The following GLCCI1 variants were observed in gnomAD, a reference collection of about 807,000 sequenced individuals.
GLCCI1 encodes the protein glucocorticoid induced 1.
GLCCI1 carries 24 observed loss-of-function variants against 52.2 expected under a neutral mutation model. The observed-to-expected ratio is 0.46, with a 90% CI of 0.33 to 0.65. The LOEUF (loss-of-function observed/expected upper bound fraction) is 0.65, where lower values mean the gene tolerates loss of function less well. Among genes scored for constraint, GLCCI1 ranks in the 30% least tolerant of loss-of-function variants. The pLI is 0.02. For missense variants in GLCCI1, 704 were observed against 701.5 expected, an observed-to-expected ratio of 1.00 and a Z score of -0.04; for synonymous variants, 310 against 276.5, an observed-to-expected ratio of 1.12 and a Z score of -1.20.
At chr7:7,972,619 T>C (rs990928050) in intron 1 of GLCCI1, among the ~76,000 whole-genome samples, 1 of 152,208 alleles carries the variant, frequency 6.6e-6, no homozygotes, top group South Asian at 2.1e-4. Context: ...AAATAAATTA[T>C]ATCATTATCT....
intron 4 of GLCCI1, among the ~76,000 whole-genome samples, chr7:8,056,095 C>T (rs1209257980): frequency 6.6e-6 from 1 of 151,780 alleles, no homozygotes; most frequent in Non-Finnish European, 1.5e-5. Context: ...GTCAGGAGTT[C>T]GAAACCAGCC....
intron 1 of GLCCI1, among the ~76,000 whole-genome samples, chr7:7,971,263 C>T (rs1162193838): frequency 6.6e-6 from 1 of 152,194 alleles, no homozygotes; most frequent in Non-Finnish European, 1.5e-5. Context: ...ATGAAAACAA[C>T]GTGATCGCCC....
chr7:7,984,770 T>C (rs1780689981), intron 1 of GLCCI1, among the ~76,000 whole-genome samples: 1 of 152,188 alleles, frequency 6.6e-6, no homozygotes, highest in South Asian at 2.1e-4. Flanking sequence ...GAAACTATTA[T>C]AAATGAACAT....
intron 6 of GLCCI1, among the ~76,000 whole-genome samples, chr7:8,083,149 A>G (rs1783033037): frequency 6.6e-6 from 1 of 152,182 alleles, no homozygotes; most frequent in African/African-American, 2.4e-5. Context: ...CTGTGGATAC[A>G]TAGGTGTATA....
chr7:8,065,728 T>C (rs918845727), intron 5 of GLCCI1, among the ~76,000 whole-genome samples: 3 of 152,252 alleles, frequency 2.0e-5, no homozygotes, highest in African/African-American at 7.2e-5. Context: ...TGAACCAACA[T>C]TGCATCCCAG....
At chr7:8,037,934 T>C (rs1781903099) in intron 3 of GLCCI1, among the ~76,000 whole-genome samples, 1 of 152,128 alleles carries the variant, frequency 6.6e-6, no homozygotes, top group Non-Finnish European at 1.5e-5. Context: ...AATACAATAA[T>C]AGTGGATAGG....
At chr7:8,016,257 CAGG>C (rs1351256393) in intron 2 of GLCCI1, among the ~76,000 whole-genome samples, 1 of 152,128 alleles carries the variant, frequency 6.6e-6, no homozygotes, top group Non-Finnish European at 1.5e-5. Flanking sequence ...ATCATGAGGT[CAGG>C]AGATCAAGAT....
At position 7,969,173 on chromosome 7, in the gene GLCCI1, A is replaced by G; in HGVS notation, c.-178A>G. ...GCAGCCTTCCCCTCCCCCCTCGCCG[A>G]GGCGGCGGGGGTGTGCGTTGGGGAG... On this transcript the variant is annotated 5_prime_UTR_variant, in exon 1 of 8. Coordinates refer to ENST00000223145, the MANE Select transcript of GLCCI1 (RefSeq NM_138426.4). This position sits in a 1 kb window ranked among gnomAD's most constrained non-coding sequence, Gnocchi z 4.9. The G allele has an allele frequency of 3.9e-6, 2 of 506,718 alleles. No individual in the cohort carries two copies. Among genetic ancestry groups the G allele is most frequent in the Non-Finnish European group, 5.4e-6 (2 of 369,822 alleles). 31.4% of individuals were successfully genotyped at this position (506,718 alleles called of 1,614,324 possible).
chr7:8,081,526 G>A (rs138527645), intron 6 of GLCCI1, among the ~76,000 whole-genome samples: 62 of 152,248 alleles, frequency 4.1e-4, no homozygotes, highest in African/African-American at 1.4e-3. Flanking sequence ...TGTCACCCAG[G>A]CTGAAGTTCA....
chr7:8,069,189 G>C (rs538110012), intron 5 of GLCCI1, among the ~76,000 whole-genome samples: 97 of 152,268 alleles, frequency 6.4e-4, no homozygotes, highest in Non-Finnish European at 3.5e-4. Context: ...GGCTATGGCA[G>C]AGGGCCTTTC....
At chr7:8,019,041 T>C (rs1171776055) in intron 2 of GLCCI1, among the ~76,000 whole-genome samples, 1 of 152,220 alleles carries the variant, frequency 6.6e-6, no homozygotes, top group African/African-American at 2.4e-5. Context: ...ATAAATTGGA[T>C]TCAAATTAGT....
Position 7,969,508 on chromosome 7 carries a change from C to T in GLCCI1, c.158C>T (p.Pro53Leu), listed in dbSNP as rs1352155279. The T allele has an allele frequency of 4.0e-6, 4 of 1,002,246 alleles. No individual in the cohort carries two copies. Among genetic ancestry groups the T allele is most frequent in the Non-Finnish European group, 4.7e-6 (4 of 843,036 alleles). The allele number at this position is 1,002,246 out of a possible 1,614,324, so 62.1% of individuals were successfully genotyped here. ...GGCGGCGGCGGCGTGGGCTGCGCCC[C>T]GGCTGCGGGAGCCGGCCGGCTGCTG... is the stretch of plus-strand genomic sequence containing the variant. ...AGGGGGVGCA[P>L]AAGAGRLLQP... Residue 53 changes from proline (P) to leucine (L), a missense_variant, in exon 1 of 8, where the codon CCG becomes CTG. By Grantham distance (98) the Pro-to-Leu change is moderately conservative. Coordinates refer to ENST00000223145, the MANE Select transcript of GLCCI1 (RefSeq NM_138426.4). The surrounding 1 kb of genome is among the most constrained non-coding windows in gnomAD (Gnocchi z 4.9).
intron 5 of GLCCI1, among the ~76,000 whole-genome samples, chr7:8,065,052 T>G (rs951984944): frequency 7.9e-5 from 12 of 152,138 alleles, no homozygotes; most frequent in African/African-American, 2.9e-4. Context: ...TACTTCCTAT[T>G]CATGAGCATG....
intron 6 of GLCCI1, 76 bp from the exon 7 acceptor site, chr7:8,084,821 A>T: frequency 6.6e-7 from 1 of 1,510,046 alleles, no homozygotes; most frequent in South Asian, 1.2e-5. Context: ...TAAATTGTGC[A>T]AAAGGCTGTT....
At chr7:8,066,888 C>T (rs1418011453) in intron 5 of GLCCI1, among the ~76,000 whole-genome samples, 1 of 152,038 alleles carries the variant, frequency 6.6e-6, no homozygotes, top group Non-Finnish European at 1.5e-5. Context: ...CTGTAGATGT[C>T]TATTCAGTTC....
At position 8,088,391 on chromosome 7, in the gene GLCCI1, G is replaced by C. The variant is rs1225509958; in HGVS notation, c.*1853G>C. The C allele has an allele frequency of 6.6e-6, 1 of 152,462 alleles. No individual in the cohort carries two copies. The highest frequency in any genetic ancestry group is 1.5e-5 in the Non-Finnish European group (1 of 67,996). 9.4% of individuals were successfully genotyped at this position (152,462 alleles called of 1,614,324 possible). A position where few individuals can be genotyped will look rare whatever the true frequency, so the allele number is the denominator to read the frequency against. ...AATTAGTCAGTGTTATATTGTAGGAGACTGTCATGGAAAAAAGGACTCAGT... is the reference window on the plus strand; with the variant it reads ...AATTAGTCAGTGTTATATTGTAGGACACTGTCATGGAAAAAAGGACTCAGT... On this transcript the variant is annotated 3_prime_UTR_variant, in exon 8 of 8. Coordinates refer to ENST00000223145, the MANE Select transcript of GLCCI1 (RefSeq NM_138426.4).
chr7:7,988,934 C>G (rs1277356714), intron 1 of GLCCI1, among the ~76,000 whole-genome samples: 2 of 152,058 alleles, frequency 1.3e-5, no homozygotes, highest in Non-Finnish European at 2.9e-5. Context: ...CACTTTCATC[C>G]TTGTTCAACT....
chr7:8,083,804 G>A (rs963831675), intron 6 of GLCCI1, among the ~76,000 whole-genome samples: 9 of 152,154 alleles, frequency 5.9e-5, no homozygotes, highest in African/African-American at 2.2e-4. Flanking sequence ...AAGCATTAGT[G>A]TGCATCAAGG....
At chr7:7,999,057 C>G (rs577585210) in intron 1 of GLCCI1, among the ~76,000 whole-genome samples, 2 of 151,842 alleles carry the variant, frequency 1.3e-5, no homozygotes, top group African/African-American at 2.4e-5. Flanking sequence ...TACTGCATGC[C>G]TATATATTTA....
Sources: gnomAD v4.1 joint callset for allele counts (sites outside exome capture counted in the v4.1 genomes callset) on GRCh38, gnomAD v4.1.1 for gene constraint, Gnocchi (gnomAD v3.1) non-coding constraint, MANE v1.5 for transcripts, NCBI Gene and HGNC (gene_info 2026-07-23, HGNC 2026-07-21) for gene names.